Variants in GULP1 observed in about 807,000 individuals in gnomAD.
The protein encoded by GULP1 is PTB domain-containing engulfment adapter protein 1.
A neutral mutation model predicts 40.9 loss-of-function variants in GULP1; 19 were observed. The ratio of observed to expected loss-of-function variants is 0.46; its 90% CI spans 0.32 to 0.68. The LOEUF (loss-of-function observed/expected upper bound fraction) is 0.68. Ranked by LOEUF, GULP1 falls within the 30% of genes least tolerant of loss-of-function variation. GULP1 has a pLI of 0.03. For missense variants in GULP1, 312 were observed against 362.2 expected, an observed-to-expected ratio of 0.86 and a Z score of 1.12; for synonymous variants, 119 against 117.6, an observed-to-expected ratio of 1.01 and a Z score of -0.08.
intron 2 of GULP1, among the ~76,000 whole-genome samples, chr2:188,406,541 A>G (rs1014341689): frequency 1.3e-5 from 2 of 152,200 alleles, no homozygotes; most frequent in Admixed American, 1.3e-4. Flanking sequence ...AAAAACATAG[A>G]AATTATGGAG....
At chr2:188,535,125 G>T (rs1164007636) in intron 6 of GULP1, among the ~76,000 whole-genome samples, 1 of 150,726 alleles carries the variant, frequency 6.6e-6, no homozygotes, top group Admixed American at 6.6e-5. Context: ...TAAATTACTA[G>T]TTAATATTAA....
chr2:188,463,523 C>A (rs2059880164), intron 2 of GULP1, among the ~76,000 whole-genome samples: 1 of 152,048 alleles, frequency 6.6e-6, no homozygotes, highest in Non-Finnish European at 1.5e-5. Flanking sequence ...TGTTCTATAA[C>A]CTTCTTTTAC....
chr2:188,393,364 T>C (rs371242799), intron 2 of GULP1, among the ~76,000 whole-genome samples: 3 of 152,086 alleles, frequency 2.0e-5, no homozygotes, highest in African/African-American at 7.2e-5. Flanking sequence ...TGCTTTAAAG[T>C]ATGTTTATCT....
chr2:188,325,405 G>A (rs150495322), intron 1 of GULP1, among the ~76,000 whole-genome samples: 1 of 152,054 alleles, frequency 6.6e-6, no homozygotes, highest in Non-Finnish European at 1.5e-5. Context: ...GTTCAATCTC[G>A]TGTTAAGTCT....
At chr2:188,370,924 C>G (rs1028774806) in intron 1 of GULP1, among the ~76,000 whole-genome samples, 1 of 151,892 alleles carries the variant, frequency 6.6e-6, no homozygotes, top group Non-Finnish European at 1.5e-5. Flanking sequence ...GATTGGTGAC[C>G]TATTGATAAG....
At chr2:188,345,329 T>A (rs1284845243) in intron 1 of GULP1, among the ~76,000 whole-genome samples, 2 of 152,196 alleles carry the variant, frequency 1.3e-5, no homozygotes, top group Non-Finnish European at 2.9e-5. Flanking sequence ...ATTTTTACTT[T>A]ACTGATTTTC....
intron 2 of GULP1, among the ~76,000 whole-genome samples, chr2:188,424,301 A>G (rs2055853385): frequency 6.6e-6 from 1 of 151,958 alleles, no homozygotes; most frequent in Non-Finnish European, 1.5e-5. Flanking sequence ...AGTTTATTAT[A>G]ATCATTGCTT....
At chr2:188,409,292 G>A (rs1395433715) in intron 2 of GULP1, among the ~76,000 whole-genome samples, 1 of 152,030 alleles carries the variant, frequency 6.6e-6, no homozygotes, top group Non-Finnish European at 1.5e-5. Flanking sequence ...TGATACCATG[G>A]ATATACAAAG....
intron 1 of GULP1, among the ~76,000 whole-genome samples, chr2:188,308,691 C>T (rs747741888): frequency 2.6e-5 from 4 of 152,160 alleles, no homozygotes; most frequent in Admixed American, 6.5e-5. Flanking sequence ...TGGCTCCTTA[C>T]CAGACATTCC....
intron 11 of GULP1, chr2:188,593,206 C>T (rs1365898297): frequency 6.6e-6 from 1 of 151,558 alleles, no homozygotes; most frequent in East Asian, 1.9e-4. Context: ...GTTCAATTAT[C>T]TTATGCAATA....
At chr2:188,372,504 G>C (rs565627959) in intron 1 of GULP1, among the ~76,000 whole-genome samples, 1 of 152,104 alleles carries the variant, frequency 6.6e-6, no homozygotes, top group South Asian at 2.1e-4. Flanking sequence ...ACTTCTCCTG[G>C]AATGTGTAAT....
intron 1 of GULP1, among the ~76,000 whole-genome samples, chr2:188,372,654 C>G (rs1306822013): frequency 6.6e-6 from 1 of 152,002 alleles, no homozygotes; most frequent in Non-Finnish European, 1.5e-5. Flanking sequence ...TTTGACCTAA[C>G]ATCCATGTGA....
rs182421613 is a variant in GULP1 at position 188,548,782 on chromosome 2, C to T, written c.399+7464C>T. On this transcript the variant is annotated intron_variant, in intron 7 of 11. Transcript: ENST00000409830. ...AATTAACACACAGAAATATGCCCAG[C>T]TAATGTTTGTCAATGCTGCAAAAGC... Among the ~76,000 whole-genome samples, 904 of 152,006 alleles carry T rather than the reference C, an allele frequency of 5.9e-3. 8 individuals carry two copies. The highest frequency in any genetic ancestry group is 7.0e-3 in the Non-Finnish European group (475 of 67,868).
At chr2:188,303,011 G>T (rs10187646) in intron 1 of GULP1, among the ~76,000 whole-genome samples, 3 of 152,114 alleles carry the variant, frequency 2.0e-5, no homozygotes, top group African/African-American at 7.2e-5. Flanking sequence ...CCCAACGCCT[G>T]TTATGATGGT....
At chr2:188,548,441 T>C (rs1393456540) in intron 7 of GULP1, among the ~76,000 whole-genome samples, 1 of 152,094 alleles carries the variant, frequency 6.6e-6, no homozygotes, top group African/African-American at 2.4e-5. Flanking sequence ...AACAAATTGC[T>C]GACAAAAGAA....
At chr2:188,441,738 A>G (rs1456984794) in intron 2 of GULP1, among the ~76,000 whole-genome samples, 1 of 152,210 alleles carries the variant, frequency 6.6e-6, no homozygotes. Flanking sequence ...GAGGTCCACC[A>G]CTGAGCCTCC....
rs1308169014 is a variant in GULP1, at chr2:188,292,431, G to T, written c.-172+265G>T. On this transcript the variant is annotated intron_variant, in intron 1 of 11. Transcript: ENST00000409830. The surrounding 1 kb of genome is among the most constrained non-coding windows in gnomAD (Gnocchi z 4.0). ...CCTGCTATGGCAGCGCTTGAGAAATGACTGGGGGAGTCCAGCGAGGTCGGG... is the reference window on the plus strand; with the variant it reads ...CCTGCTATGGCAGCGCTTGAGAAATTACTGGGGGAGTCCAGCGAGGTCGGG... Among the ~76,000 whole-genome samples the T allele has an allele frequency of 6.6e-6, 1 of 152,222 alleles. No homozygotes were observed. The highest frequency in any genetic ancestry group is 6.5e-5 in the Admixed American group (1 of 15,292).
intron 2 of GULP1, among the ~76,000 whole-genome samples, chr2:188,477,328 C>T (rs937555383): frequency 1.4e-4 from 22 of 152,118 alleles, no homozygotes; most frequent in African/African-American, 5.3e-4. Context: ...TTTATATACA[C>T]ACCTCTTGTC....
At chr2:188,422,026 A>G (rs994004154) in intron 2 of GULP1, among the ~76,000 whole-genome samples, 6 of 151,778 alleles carry the variant, frequency 4.0e-5, no homozygotes, top group East Asian at 1.9e-4. Context: ...TAAAAATCCA[A>G]AATTAAAAAG....
Sources: gnomAD v4.1 joint callset for allele counts (sites outside exome capture counted in the v4.1 genomes callset) on GRCh38, gnomAD v4.1.1 for gene constraint, Gnocchi (gnomAD v3.1) non-coding constraint, MANE v1.5 for transcripts, NCBI Gene and HGNC (gene_info 2026-07-23, HGNC 2026-07-21) for gene names.